The following GRIP1 variants were observed in gnomAD, a reference collection of about 807,000 sequenced individuals.
GRIP1 encodes glutamate receptor interacting protein 1.
GRIP1 carries 45 observed loss-of-function variants against 129.9 expected under a neutral mutation model. The observed-to-expected ratio is 0.35, with a 90% CI of 0.27 to 0.44. The LOEUF is 0.44. Ranked by LOEUF, GRIP1 falls within the 20% of genes least tolerant of loss-of-function variation. The pLI is 1.00. For missense variants in GRIP1, 1,196 were observed against 1,396.8 expected, an observed-to-expected ratio of 0.86 and a Z score of 2.29; for synonymous variants, 530 against 520.8, an observed-to-expected ratio of 1.02 and a Z score of -0.24.
intron 1 of GRIP1, among the ~76,000 whole-genome samples, chr12:67,026,802 A>G (rs2042947428): frequency 6.6e-6 from 1 of 152,236 alleles, no homozygotes; most frequent in Non-Finnish European, 1.5e-5. Flanking sequence ...TTTGAATAAT[A>G]TAATCTCTTT....
chr12:66,684,437 GCATGTTGGTCACCTTCTT>G (rs1282126982), intron 1 of GRIP1, among the ~76,000 whole-genome samples: 1 of 152,158 alleles, frequency 6.6e-6, no homozygotes. Context: ...CTCTGTCACA[GCATGTTGGTCACCTTCTT>G]CAGCATTTTA....
chr12:66,831,591 T>C (rs2039519550), intron 1 of GRIP1, among the ~76,000 whole-genome samples: 1 of 152,192 alleles, frequency 6.6e-6, no homozygotes, highest in South Asian at 2.1e-4. Flanking sequence ...TCATCTTCCA[T>C]TTACAGAATT....
At chr12:66,767,322 G>A (rs2037672191) in intron 1 of GRIP1, among the ~76,000 whole-genome samples, 1 of 152,100 alleles carries the variant, frequency 6.6e-6, no homozygotes, top group South Asian at 2.1e-4. Flanking sequence ...GGGAGGAGGG[G>A]AGAAAGGAAG....
chr12:66,394,457 A>G, intron 16 of GRIP1, 105 bp from the exon 17 acceptor site: 1 of 917,950 alleles, frequency 1.1e-6, no homozygotes, highest in Admixed American at 2.0e-5. Context: ...TCGTCAAAGT[A>G]TCATGTCACA....
intron 1 of GRIP1, among the ~76,000 whole-genome samples, chr12:66,930,195 C>T (rs961364432): frequency 3.4e-5 from 5 of 148,476 alleles, no homozygotes; most frequent in African/African-American, 9.9e-5. Context: ...CATGCTGGTG[C>T]GCTGCACCCA....
chr12:66,483,491 A>C (rs2059864242), intron 7 of GRIP1, among the ~76,000 whole-genome samples: 1 of 152,212 alleles, frequency 6.6e-6, no homozygotes, highest in African/African-American at 2.4e-5. Context: ...GTACAAAGCA[A>C]GTGAAACTCG....
At chr12:66,994,481 A>G (rs937421822) in intron 1 of GRIP1, among the ~76,000 whole-genome samples, 1 of 151,980 alleles carries the variant, frequency 6.6e-6, no homozygotes, top group Non-Finnish European at 1.5e-5. Flanking sequence ...AATAGAGAAG[A>G]ATTTCTCAAC....
intron 1 of GRIP1, among the ~76,000 whole-genome samples, chr12:66,872,914 T>C (rs1238169338): frequency 2.6e-5 from 4 of 152,120 alleles, no homozygotes; most frequent in African/African-American, 9.6e-5. Flanking sequence ...ATGTTCTTTC[T>C]GTTCCAAAAT....
At chr12:66,361,558 C>T (rs569325598) in intron 23 of GRIP1, among the ~76,000 whole-genome samples, 1 of 152,312 alleles carries the variant, frequency 6.6e-6, no homozygotes, top group Admixed American at 6.5e-5. Context: ...CCAAATTCTC[C>T]AAGAGATCAA....
chr12:66,880,046 C>T (rs1387448958), intron 1 of GRIP1, among the ~76,000 whole-genome samples: 3 of 151,790 alleles, frequency 2.0e-5, no homozygotes, highest in Admixed American at 6.6e-5. Context: ...TGTGCAGGGG[C>T]GAGAAGGAAA....
intron 1 of GRIP1, among the ~76,000 whole-genome samples, chr12:66,951,580 T>C (rs1164640483): frequency 6.6e-6 from 1 of 152,190 alleles, no homozygotes; most frequent in Non-Finnish European, 1.5e-5. Flanking sequence ...ACAATCAAAT[T>C]ACTGTTTTAA....
chr12:66,678,663 G>A (rs1208105662), intron 1 of GRIP1, among the ~76,000 whole-genome samples, 187 bp downstream of exon 1: 2 of 151,466 alleles, frequency 1.3e-5, no homozygotes, highest in South Asian at 2.1e-4. Flanking sequence ...GAACACAACC[G>A]AGATGTAAGG....
At chr12:66,953,272 G>A (rs1010756625) in intron 1 of GRIP1, among the ~76,000 whole-genome samples, 2 of 152,168 alleles carry the variant, frequency 1.3e-5, no homozygotes, top group Non-Finnish European at 2.9e-5. Context: ...AGGCTATGAA[G>A]GAAAAGGATA....
intron 1 of GRIP1, among the ~76,000 whole-genome samples, chr12:66,976,855 A>C (rs1039799754): frequency 3.3e-5 from 5 of 152,146 alleles, no homozygotes; most frequent in Admixed American, 6.6e-5. Context: ...ACTCTTCTTT[A>C]CTGCCTTAAT....
intron 1 of GRIP1, among the ~76,000 whole-genome samples, chr12:67,068,191 T>A (rs1445463172): frequency 6.6e-6 from 1 of 152,090 alleles, no homozygotes; most frequent in East Asian, 1.9e-4. Flanking sequence ...CACCATGAAA[T>A]GACCTCAACA....
intron 9 of GRIP1, among the ~76,000 whole-genome samples, chr12:66,462,636 T>A (rs1435600722): frequency 6.6e-6 from 1 of 151,960 alleles, no homozygotes; most frequent in Non-Finnish European, 1.5e-5. Flanking sequence ...ACCCTGTCTC[T>A]ATTAAAAATA....
At chr12:66,950,580 T>C (rs1431541504) in intron 1 of GRIP1, among the ~76,000 whole-genome samples, 1 of 151,982 alleles carries the variant, frequency 6.6e-6, no homozygotes. Context: ...TAGCATAAAA[T>C]AGAAAAGATC....
chr12:66,454,855 T>G (rs1308439298), intron 11 of GRIP1, among the ~76,000 whole-genome samples: 2 of 152,190 alleles, frequency 1.3e-5, no homozygotes, highest in Non-Finnish European at 2.9e-5. Context: ...GAAAAAGTAT[T>G]GGAGTCTTGG....
At chr12:66,767,474 G>T (rs923454199) in intron 1 of GRIP1, among the ~76,000 whole-genome samples, 14 of 151,942 alleles carry the variant, frequency 9.2e-5, no homozygotes, top group African/African-American at 3.4e-4. Context: ...AGGATTAAAG[G>T]CACTAGTGTT....
Sources: allele counts gnomAD v4.1 joint callset (sites outside exome capture counted in the v4.1 genomes callset), GRCh38; gene constraint gnomAD v4.1.1; transcripts MANE v1.5; gene names NCBI Gene and HGNC (gene_info 2026-07-23, HGNC 2026-07-21).